Variants in ERFL observed in about 807,000 individuals in gnomAD.
The protein encoded by ERFL is ETS repressor factor like, also known as ETS domain-containing transcription factor ERF-like.
Under a neutral mutation model 27.9 loss-of-function variants are expected in ERFL, and 8 were observed. That is an observed-to-expected ratio of 0.29 (90% CI 0.17 to 0.52). The LOEUF is 0.52. Ranked by LOEUF, ERFL falls within the 20% of genes least tolerant of loss-of-function variation. The pLI is 0.97. For synonymous variants in ERFL, 174 were observed against 202.8 expected (o/e 0.86, Z 1.21); for missense variants, 294 against 444.4 (o/e 0.66, Z 3.04).
chr19:41,914,425 C>G (rs978933592), intron 1 of ERFL, among the ~76,000 whole-genome samples: 1 of 151,750 alleles, frequency 6.6e-6, no homozygotes, highest in Non-Finnish European at 1.5e-5. Flanking sequence ...TCCTCCACCC[C>G]TCAGTCTCTT....
intron 1 of ERFL, chr19:41,923,172 G>A (rs902671004): frequency 5.0e-5 from 23 of 456,356 alleles, no homozygotes; most frequent in African/African-American, 4.6e-4. Flanking sequence ...CTGAGGTTCT[G>A]ACAGGAAAAG....
At position 41,909,129 on chromosome 19, in the gene ERFL, G is replaced by C; in HGVS notation, c.547C>G (p.Arg183Gly). 1.6e-6 allele frequency: 2 copies of C among 1,231,858 alleles called. No individual in the cohort carries two copies. The highest frequency in any genetic ancestry group is 2.0e-6 in the Non-Finnish European group (2 of 988,156). 76.3% of individuals were successfully genotyped at this position (1,231,858 alleles called of 1,614,324 possible). ...GTCTCGGAGGTGAACAGGGGTGTCC[G>C]GGCCCCTGGCTCTCCCAGGCGTGGG... ...SAPRLGEPGA[R>G]TPLFTSETDK... is the part of the protein sequence containing the mutation. The change falls in exon 5 of 6, where the codon CGG becomes GGG. Residue 183 changes from arginine to glycine, a missense_variant. Physicochemically the swap from Arg to Gly is moderately radical, Grantham distance 125 (BLOSUM62 -2). Transcript: ENST00000597630. The surrounding 1 kb of genome is among the most constrained non-coding windows in gnomAD (Gnocchi z 5.2).
In ERFL at chr19:41,917,366, T is replaced by A. The variant is rs1048195055; in HGVS notation, c.-13-4434A>T. ...CTAACGCCCCATCACCACGCCCCCC[T>A]GGGCTGGGGTTTAACCAGTTGTTTT... On this transcript the variant is annotated intron_variant, in intron 1 of 5. Coordinates refer to ENST00000597630, the MANE Select transcript of ERFL (RefSeq NM_001365103.2). The surrounding 1 kb of genome is among the most constrained non-coding windows in gnomAD (Gnocchi z 4.8). Among the ~76,000 whole-genome samples, 1 of 151,752 alleles carries A rather than the reference T, an allele frequency of 6.6e-6. No homozygotes were observed. The highest frequency in any genetic ancestry group is 1.5e-5 in the Non-Finnish European group (1 of 67,960).
rs377574435 is a variant in ERFL at position 41,910,190 on chromosome 19, T to C, written c.68-93A>G. 21 of 1,241,906 alleles carry C rather than the reference T, an allele frequency of 1.7e-5. No individual in the cohort carries two copies. The highest frequency in any genetic ancestry group is 1.7e-4 in the African/African-American group (11 of 66,362). 76.9% of individuals were successfully genotyped at this position (1,241,906 alleles called of 1,614,324 possible). A position where few individuals can be genotyped will look rare whatever the true frequency, so the allele number is the denominator to read the frequency against. ...ACTCAGTAACCTGGGAGGCATGTAGTTCTCCTCCAGTCTCAGGCATCTTTA... is the reference window on the plus strand; with the variant it reads ...ACTCAGTAACCTGGGAGGCATGTAGCTCTCCTCCAGTCTCAGGCATCTTTA... On this transcript the variant is annotated intron_variant, in intron 2 of 5. Coordinates refer to ENST00000597630, the MANE Select transcript of ERFL (RefSeq NM_001365103.2). The surrounding 1 kb of genome is among the most constrained non-coding windows in gnomAD (Gnocchi z 4.4).
chr19:41,914,587 CTTT>C lies in ERFL; in HGVS notation c.-13-1658_-13-1656del, dbSNP rs2074777627. Among the ~76,000 whole-genome samples the C allele has an allele frequency of 1.9e-4, 13 of 70,260 alleles. 3 individuals are homozygous for C. Among genetic ancestry groups the C allele is most frequent in the South Asian group, 6.3e-4 (1 of 1,594 alleles). 46.1% of individuals were successfully genotyped at this position (70,260 alleles called of 152,430 possible). On this transcript the variant is annotated intron_variant, in intron 1 of 5. Transcript: ENST00000597630. ...CATCTCTGTCTCCGTCTCTCCCTCC[CTTT>C]CCACCATCTCTGTCTCTCCCTCCCC...
Position 41,909,270 on chromosome 19 carries a change from A to T in ERFL, c.498+6T>A. 8.1e-7 allele frequency: 1 copy of T among 1,230,170 alleles called. No individual in the cohort carries two copies. The highest frequency in any genetic ancestry group is 3.2e-5 in the East Asian group (1 of 31,450). The allele number at this position is 1,230,170 out of a possible 1,614,324, so 76.2% of individuals were successfully genotyped here. On this transcript the variant is annotated splice_donor_region_variant and intron_variant, in intron 4 of 5. Transcript: ENST00000597630. This position sits in a 1 kb window ranked among gnomAD's most constrained non-coding sequence, Gnocchi z 5.2. ...TCGGTTCCAGGACCCCAGTACCCAGACTCACCTCAGGGGTGAGGGGAGGAG... is the reference window on the plus strand; with the variant it reads ...TCGGTTCCAGGACCCCAGTACCCAGTCTCACCTCAGGGGTGAGGGGAGGAG...
chr19:41,908,200 T>A lies in ERFL; in HGVS notation c.*28A>T. On this transcript the variant is annotated 3_prime_UTR_variant, in exon 6 of 6. Transcript: ENST00000597630. The surrounding 1 kb of genome is among the most constrained non-coding windows in gnomAD (Gnocchi z 6.7). Reference sequence around the variant, plus strand: ...ACGGGCAGCCACCCTGGTCCCTGCCTCAGCAGAATCCATTGCCCCCTGCCG... The same window carrying A: ...ACGGGCAGCCACCCTGGTCCCTGCCACAGCAGAATCCATTGCCCCCTGCCG... 8.1e-7 allele frequency: 1 copy of A among 1,231,254 alleles called. No homozygotes were observed. The highest frequency in any genetic ancestry group is 3.2e-5 in the East Asian group (1 of 31,690). The allele number at this position is 1,231,254 out of a possible 1,614,324, so 76.3% of individuals were successfully genotyped here. A position where few individuals can be genotyped will look rare whatever the true frequency, so the allele number is the denominator to read the frequency against.
intron 1 of ERFL, among the ~76,000 whole-genome samples, chr19:41,913,899 CCT>C (rs1286699439): frequency 6.6e-6 from 1 of 151,182 alleles, no homozygotes; most frequent in African/African-American, 2.4e-5. Flanking sequence ...CACTTCAGCC[CCT>C]CACTGCCACC....
intron 1 of ERFL, among the ~76,000 whole-genome samples, 167 bp from the exon 2 acceptor site, chr19:41,913,099 C>G (rs2074763649): frequency 6.6e-6 from 1 of 152,002 alleles, no homozygotes; most frequent in African/African-American, 2.4e-5. Flanking sequence ...AGGCACCGCT[C>G]TGTCCCCAGC....
chr19:41,911,346 A>G (rs1435782571), intron 2 of ERFL, among the ~76,000 whole-genome samples: 1 of 152,212 alleles, frequency 6.6e-6, no homozygotes, highest in Non-Finnish European at 1.5e-5. Flanking sequence ...AGGCATGAAA[A>G]TAGAAGGCAG....
rs955615680 is a variant in ERFL at position 41,909,109 on chromosome 19, G to A, written c.567C>T (p.Ser189=). 7.3e-6 allele frequency: 9 copies of A among 1,231,860 alleles called. No individual in the cohort carries two copies. Among genetic ancestry groups the A allele is most frequent in the South Asian group, 4.1e-5 (1 of 24,322 alleles). The allele number at this position is 1,231,860 out of a possible 1,614,324, so 76.3% of individuals were successfully genotyped here. A position where few individuals can be genotyped will look rare whatever the true frequency, so the allele number is the denominator to read the frequency against. The change falls in exon 5 of 6, where the codon TCC becomes TCT. Residue 189 remains serine (S), a synonymous_variant. Coordinates refer to ENST00000597630, the MANE Select transcript of ERFL (RefSeq NM_001365103.2). This position sits in a 1 kb window ranked among gnomAD's most constrained non-coding sequence, Gnocchi z 5.2. ...EPGARTPLFT[S]ETDKLRLDSP... ...TGTCCAGACGCAATTTATCTGTCTC[G>A]GAGGTGAACAGGGGTGTCCGGGCCC...
At chr19:41,912,270 A>C (rs569937800) in intron 2 of ERFL, among the ~76,000 whole-genome samples, 1 of 152,308 alleles carries the variant, frequency 6.6e-6, no homozygotes, top group East Asian at 1.9e-4. Flanking sequence ...ACACACTGAA[A>C]TGAGACCCCA....
At chr19:41,915,834 G>C (rs942987949) in intron 1 of ERFL, among the ~76,000 whole-genome samples, 1 of 152,134 alleles carries the variant, frequency 6.6e-6, no homozygotes, top group Non-Finnish European at 1.5e-5. Context: ...GCGGGGCCTG[G>C]GGCTGCAGGG....
chr19:41,908,588 G>C lies in ERFL; in HGVS notation c.705C>G (p.Leu235=). The C allele has an allele frequency of 8.1e-7, 1 of 1,231,850 alleles. No individual in the cohort carries two copies. Among genetic ancestry groups the C allele is most frequent in the Non-Finnish European group, 1.0e-6 (1 of 988,114 alleles). 76.3% of individuals were successfully genotyped at this position (1,231,850 alleles called of 1,614,324 possible). ...PEYPWNFNPY[L]TGPFPKLPPS... ...GAGGCAGCTTGGGGAAGGGGCCCGT[G>C]AGGTACGGGTTAAAGTTCCAGGGGT... Residue 235 remains leucine (L), a synonymous_variant, in exon 6 of 6, where the codon CTC becomes CTG. Transcript: ENST00000597630. This position sits in a 1 kb window ranked among gnomAD's most constrained non-coding sequence, Gnocchi z 6.7.
At chr19:41,920,040 C>T (rs528988207) in intron 1 of ERFL, among the ~76,000 whole-genome samples, 55 of 128,762 alleles carry the variant, frequency 4.3e-4, no homozygotes, top group African/African-American at 1.3e-3. Context: ...AGACATGATA[C>T]GCTCACAGAC....
At chr19:41,911,578 CG>C (rs147382245) in intron 2 of ERFL, among the ~76,000 whole-genome samples, 4,085 of 152,250 alleles carry the variant, frequency 0.027, 186 homozygotes, top group African/African-American at 0.093. Context: ...GCCTGAAGGC[CG>C]GGGAGCTCCA....
At position 41,923,332 on chromosome 19, in the gene ERFL, A is replaced by G. The variant is rs972909246; in HGVS notation, c.-14+4708T>C. On this transcript the variant is annotated intron_variant, in intron 1 of 5. Transcript: ENST00000597630. The stretch of plus-strand genomic sequence containing the variant: ...AAAGAGACAAGACAAGGAGACAGAC[A>G]CAGAGTCCAGGATATGGAGAAACTG... 52 of 374,786 alleles carry G rather than the reference A, an allele frequency of 1.4e-4. 1 individual carries two copies. The highest frequency in any genetic ancestry group is 1.0e-3 in the South Asian group (52 of 50,282). 23.2% of individuals were successfully genotyped at this position (374,786 alleles called of 1,614,324 possible).
rs2074843718 is a variant in ERFL at position 41,921,791 on chromosome 19, C to A, written c.-14+6249G>T. On this transcript the variant is annotated intron_variant, in intron 1 of 5. Transcript: ENST00000597630. The surrounding 1 kb of genome is among the most constrained non-coding windows in gnomAD (Gnocchi z 4.4). ...CAGACCTAAGGTGTGGATTCCTCGT[C>A]CTCCGCCCCACCTCGCCCTTCTTCA... 6.6e-6 allele frequency among the ~76,000 whole-genome samples: 1 copy of A among 151,942 alleles called. No individual in the cohort carries two copies. Among genetic ancestry groups the A allele is most frequent in the Non-Finnish European group, 1.5e-5 (1 of 67,976 alleles).
chr19:41,908,140 C>T lies in ERFL; in HGVS notation c.*88G>A, dbSNP rs1262561574. 2 of 1,081,264 alleles carry T rather than the reference C, an allele frequency of 1.8e-6. No homozygotes were observed. The highest frequency in any genetic ancestry group is 3.3e-5 in the African/African-American group (2 of 61,502). 67.0% of individuals were successfully genotyped at this position (1,081,264 alleles called of 1,614,324 possible). On this transcript the variant is annotated 3_prime_UTR_variant, in exon 6 of 6. Coordinates refer to ENST00000597630, the MANE Select transcript of ERFL (RefSeq NM_001365103.2). The surrounding 1 kb of genome is among the most constrained non-coding windows in gnomAD (Gnocchi z 6.7). Reference sequence around the variant, plus strand: ...GCCCAGACCTGGGAGGTGCTGAGGGCTGGTCCTGGGCCTTGGGCCAGGCAT... The same window carrying T: ...GCCCAGACCTGGGAGGTGCTGAGGGTTGGTCCTGGGCCTTGGGCCAGGCAT...
Sources: allele counts gnomAD v4.1 joint callset (sites outside exome capture counted in the v4.1 genomes callset), GRCh38; gene constraint gnomAD v4.1.1; non-coding constraint Gnocchi (gnomAD v3.1); transcripts MANE v1.5; gene names NCBI Gene and HGNC (gene_info 2026-07-23, HGNC 2026-07-21).